The following CDH12 variants were observed in gnomAD, a reference collection of about 807,000 sequenced individuals.
CDH12 encodes cadherin 12.
CDH12 carries 41 observed loss-of-function variants against 74.1 expected under a neutral mutation model. That is an observed-to-expected ratio of 0.55 (90% confidence interval 0.43 to 0.72). The LOEUF is 0.72. CDH12 is among the 30% of genes least tolerant of loss of function. CDH12 has a pLI of 0.00. For missense variants in CDH12, 945 were observed against 977.2 expected (o/e 0.97, Z 0.44); for synonymous variants, 399 against 355.0 (o/e 1.12, Z -1.39).
intron 4 of CDH12, among the ~76,000 whole-genome samples, chr5:22,133,172 A>G (rs1282034030): frequency 6.6e-6 from 1 of 152,154 alleles, no homozygotes; most frequent in Admixed American, 6.6e-5. Context: ...AGAAATGAGT[A>G]AAATTGATTT....
intron 5 of CDH12, among the ~76,000 whole-genome samples, chr5:22,039,774 G>A (rs940102042): frequency 1.3e-5 from 2 of 152,082 alleles, no homozygotes; most frequent in East Asian, 3.9e-4. Flanking sequence ...TACTTGAAAT[G>A]AGTCACCATG....
chr5:22,043,577 G>A (rs1739720456), intron 5 of CDH12, among the ~76,000 whole-genome samples: 2 of 151,964 alleles, frequency 1.3e-5, no homozygotes, highest in South Asian at 2.1e-4. Flanking sequence ...ACACAGGACT[G>A]GAAGTCCTAG....
chr5:22,560,604 TGC>T (rs1739003296), intron 1 of CDH12, among the ~76,000 whole-genome samples: 1 of 152,090 alleles, frequency 6.6e-6, no homozygotes, highest in Non-Finnish European at 1.5e-5. Context: ...TTTAAATATT[TGC>T]AATATTTAAA....
chr5:22,813,972 C>T (rs1307107759), intron 1 of CDH12, among the ~76,000 whole-genome samples: 1 of 152,058 alleles, frequency 6.6e-6, no homozygotes, highest in African/African-American at 2.4e-5. Context: ...ATGCTAAGTC[C>T]ATGGTAACAC....
intron 1 of CDH12, among the ~76,000 whole-genome samples, chr5:22,705,124 T>TACACAC: frequency 1.0e-5 from 1 of 95,752 alleles, no homozygotes. Flanking sequence ...GTCATATATA[T>TACACAC]ATATATACAC....
intron 6 of CDH12, among the ~76,000 whole-genome samples, chr5:21,906,812 T>G (rs112775386): frequency 0.016 from 2,375 of 152,296 alleles, 25 homozygotes; most frequent in Non-Finnish European, 0.024. Context: ...CTCACAAATA[T>G]GAAGTAAGAA....
intron 4 of CDH12, among the ~76,000 whole-genome samples, chr5:22,200,581 G>T (rs529144765): frequency 1.3e-5 from 2 of 152,276 alleles, no homozygotes; most frequent in African/African-American, 4.8e-5. Context: ...TGTTGGAAAT[G>T]CATTAAACAG....
chr5:22,628,427 C>T (rs756005077), intron 1 of CDH12, among the ~76,000 whole-genome samples: 1 of 152,020 alleles, frequency 6.6e-6, no homozygotes, highest in Non-Finnish European at 1.5e-5. Flanking sequence ...TAAAAATACA[C>T]ATCAATACTA....
chr5:21,853,572 G>A (rs1333682830), intron 7 of CDH12, among the ~76,000 whole-genome samples: 1 of 151,510 alleles, frequency 6.6e-6, no homozygotes, highest in Non-Finnish European at 1.5e-5. Context: ...CTCAACTTTT[G>A]TTAAGAAACA....
chr5:22,615,087 T>C (rs1452145119), intron 1 of CDH12, among the ~76,000 whole-genome samples: 1 of 152,122 alleles, frequency 6.6e-6, no homozygotes, highest in Non-Finnish European at 1.5e-5. Flanking sequence ...GGATCATGAT[T>C]GACCATGGGT....
At chr5:21,844,123 C>T (rs1270838301) in intron 7 of CDH12, among the ~76,000 whole-genome samples, 1 of 152,008 alleles carries the variant, frequency 6.6e-6, no homozygotes, top group East Asian at 1.9e-4. Context: ...AAATAAAAAG[C>T]TATAAACTGG....
chr5:21,896,583 T>C (rs1753133501), intron 6 of CDH12, among the ~76,000 whole-genome samples: 1 of 152,172 alleles, frequency 6.6e-6, no homozygotes, highest in Admixed American at 6.6e-5. Flanking sequence ...GAGTGTTGTG[T>C]CCAATGGCTA....
Position 21,889,582 on chromosome 5 carries a change from T to C in CDH12, c.527-34792A>G. On this transcript the variant is annotated intron_variant, in intron 6 of 14. Transcript: ENST00000382254. ...AGAAGCAAAGTGAAACAAAATATTT[T>C]ACCTAAAGAAGCCTCTTTCCAGTCT... 5.1e-6 allele frequency: 5 copies of C among 985,294 alleles called. No individual in the cohort carries two copies. In the South Asian group the frequency reaches 2.3e-4, roughly 46 times the overall value. The allele number at this position is 985,294 out of a possible 1,614,324, so 61.0% of individuals were successfully genotyped here.
At chr5:21,863,028 A>G (rs535670475) in intron 6 of CDH12, among the ~76,000 whole-genome samples, 2 of 152,282 alleles carry the variant, frequency 1.3e-5, no homozygotes, top group Non-Finnish European at 2.9e-5. Flanking sequence ...CAAAAATAAA[A>G]TGGAAATAAA....
intron 4 of CDH12, among the ~76,000 whole-genome samples, chr5:22,182,996 G>A (rs1206431136): frequency 3.3e-5 from 5 of 151,164 alleles, no homozygotes; most frequent in Non-Finnish European, 7.4e-5. Context: ...GTACTACATG[G>A]TGCTCAAAGA....
intron 3 of CDH12, among the ~76,000 whole-genome samples, chr5:22,355,707 A>G (rs898873104): frequency 2.0e-5 from 3 of 152,052 alleles, no homozygotes; most frequent in South Asian, 4.1e-4. Flanking sequence ...CCAAACTTGC[A>G]TAATCTTGAC....
At chr5:22,138,875 T>TATATATATATATATATATATATATACAC (rs1256794399) in intron 4 of CDH12, among the ~76,000 whole-genome samples, 1 of 137,690 alleles carries the variant, frequency 7.3e-6, no homozygotes, top group Non-Finnish European at 1.6e-5. Flanking sequence ...TATATATATA[T>TATATATATATATATATATATATATACAC]ACATGTTGGA....
intron 1 of CDH12, among the ~76,000 whole-genome samples, chr5:22,795,955 C>A (rs1472168616): frequency 1.3e-5 from 2 of 151,990 alleles, no homozygotes; most frequent in Non-Finnish European, 2.9e-5. Context: ...AAGTTAGAGC[C>A]TTCTGTGCTT....
At chr5:22,732,453 T>A (rs1744472472) in intron 1 of CDH12, among the ~76,000 whole-genome samples, 1 of 65,482 alleles carries the variant, frequency 1.5e-5, no homozygotes, top group Non-Finnish European at 3.0e-5. Context: ...TGTGAATGTG[T>A]GTGTATATAT....
Sources: gnomAD v4.1 joint callset for allele counts (sites outside exome capture counted in the v4.1 genomes callset) on GRCh38, gnomAD v4.1.1 for gene constraint, MANE v1.5 for transcripts, NCBI Gene and HGNC (gene_info 2026-07-23, HGNC 2026-07-21) for gene names.